PDE1A: variants seen among roughly 807,000 people sequenced by gnomAD.
The protein encoded by PDE1A is dual specificity calcium/calmodulin-dependent 3',5'-cyclic nucleotide phosphodiesterase 1A.
A neutral mutation model predicts 61.7 loss-of-function variants in PDE1A; 35 were observed. The ratio of observed to expected loss-of-function variants is 0.57; its 90% confidence interval spans 0.43 to 0.75. PDE1A has a LOEUF of 0.75. PDE1A is among the 30% of genes least tolerant of loss of function. The probability of loss-of-function intolerance (pLI) is 0.00; values close to 1 mark genes in which losing one functional copy is unlikely to be tolerated. For synonymous variants in PDE1A, 232 were observed against 213.2 expected (o/e 1.09, Z -0.77); for missense variants, 597 against 630.6 (o/e 0.95, Z 0.57).
chr2:182,254,735 C>T (rs1375635453), intron 2 of PDE1A, among the ~76,000 whole-genome samples: 1 of 152,172 alleles, frequency 6.6e-6, no homozygotes, highest in South Asian at 2.1e-4. Context: ...GGGCTTTCCA[C>T]CACATCCCAC....
At position 182,212,274 on chromosome 2, in the gene PDE1A, T is replaced by C. The variant is rs554045639; in HGVS notation, c.777-6209A>G. ...ATATATATGTATACATTTATATATA[T>C]ATACACACACACACATAGTGGAATG... On this transcript the variant is annotated intron_variant, in intron 7 of 13. Coordinates refer to ENST00000351439, the Ensembl canonical transcript of PDE1A. 3.4e-3 allele frequency among the ~76,000 whole-genome samples: 513 copies of C among 151,790 alleles called. 2 individuals are homozygous for C. The highest frequency in any genetic ancestry group is 0.012 in the African/African-American group (499 of 41,452).
chr2:182,381,156 T>A (rs1049429734), intron 1 of PDE1A, among the ~76,000 whole-genome samples: 1 of 152,166 alleles, frequency 6.6e-6, no homozygotes, highest in Non-Finnish European at 1.5e-5. Context: ...GGTTTTCTCT[T>A]TCTTCATGAA....
Position 182,413,084 on chromosome 2 carries a change from G to A in PDE1A, c.53+13494C>T, listed in dbSNP as rs79795457. The stretch of plus-strand genomic sequence containing the variant: ...TAGACAAAGGCTTAGGAAGGGAAGC[G>A]TAAGACAGGTCCTAGGAGCAATAAG... On this transcript the variant is annotated intron_variant, in intron 1 of 13. Coordinates refer to ENST00000351439, the Ensembl canonical transcript of PDE1A. Among the ~76,000 whole-genome samples the A allele has an allele frequency of 9.3e-3, 1,418 of 152,254 alleles. 25 individuals carry two copies. The highest frequency in any genetic ancestry group is 0.032 in the African/African-American group (1,326 of 41,542).
At chr2:182,541,093 T>C in the PDE1A span, among the ~76,000 whole-genome samples, 2 of 152,186 alleles carry the variant, frequency 1.3e-5, no homozygotes, top group African/African-American at 4.8e-5. Context: ...ACAAGATATA[T>C]TTATATGTAA....
the PDE1A span, among the ~76,000 whole-genome samples, chr2:182,606,167 T>C: frequency 1.3e-4 from 20 of 152,248 alleles, no homozygotes; most frequent in East Asian, 3.9e-3. Flanking sequence ...TGTACGTATG[T>C]AGTTATTTAT....
intron 1 of PDE1A, among the ~76,000 whole-genome samples, chr2:182,409,494 A>G (rs952452365): frequency 1.3e-5 from 2 of 152,240 alleles, no homozygotes; most frequent in African/African-American, 4.8e-5. Context: ...TGAATACACA[A>G]CATACATTCT....
intron 2 of PDE1A, among the ~76,000 whole-genome samples, chr2:182,243,382 G>A (rs760913215): frequency 5.3e-5 from 8 of 152,190 alleles, no homozygotes; most frequent in Non-Finnish European, 1.2e-4. Flanking sequence ...ATTAGTTATA[G>A]GAAAGTCTGG....
the PDE1A span, among the ~76,000 whole-genome samples, chr2:182,635,578 G>C: frequency 1.3e-5 from 2 of 152,002 alleles, no homozygotes; most frequent in African/African-American, 4.8e-5. Context: ...GAGAGTTTCT[G>C]TCACCAGTCT....
intron 2 of PDE1A, among the ~76,000 whole-genome samples, chr2:182,512,731 C>CA (rs1689883675): frequency 6.6e-6 from 1 of 152,024 alleles, no homozygotes; most frequent in Non-Finnish European, 1.5e-5. Flanking sequence ...AGCTGAGAGA[C>CA]AAAATAGCAA....
intron 13 of PDE1A, among the ~76,000 whole-genome samples, chr2:182,174,305 G>A (rs1018177731): frequency 8.5e-5 from 13 of 152,086 alleles, no homozygotes; most frequent in Admixed American, 4.6e-4. Flanking sequence ...TCCTGATGAC[G>A]TCCATGGACG....
chr2:182,180,153 G>C (rs1406529351), intron 13 of PDE1A, among the ~76,000 whole-genome samples: 1 of 152,020 alleles, frequency 6.6e-6, no homozygotes, highest in Admixed American at 6.6e-5. Flanking sequence ...CTTTAAAATT[G>C]ATCACTATGT....
At chr2:182,558,363 A>G in the PDE1A span, among the ~76,000 whole-genome samples, 1 of 152,062 alleles carries the variant, frequency 6.6e-6, no homozygotes, top group Non-Finnish European at 1.5e-5. Context: ...ATCTTCCCAA[A>G]TTTATGTAAT....
chr2:182,690,744 C>T, the PDE1A span, among the ~76,000 whole-genome samples: 1 of 152,178 alleles, frequency 6.6e-6, no homozygotes, highest in South Asian at 2.1e-4. Context: ...CAAATTGTCC[C>T]TGTCTGCAGA....
the PDE1A span, among the ~76,000 whole-genome samples, chr2:182,609,036 T>C: frequency 6.6e-6 from 1 of 152,152 alleles, no homozygotes; most frequent in African/African-American, 2.4e-5. Flanking sequence ...TGGTGGGGAC[T>C]TGGAGAACCT....
At chr2:182,560,886 T>A in the PDE1A span, among the ~76,000 whole-genome samples, 13,286 of 152,190 alleles carry the variant, frequency 0.087, 1,926 homozygotes, top group African/African-American at 0.3. Context: ...TTCATGTCCT[T>A]CACCCACTTT....
At position 182,324,419 on chromosome 2, in the gene PDE1A, T is replaced by C. The variant is rs190858515; in HGVS notation, c.54-60005A>G. Among the ~76,000 whole-genome samples, 16 of 152,172 alleles carry C rather than the reference T, an allele frequency of 1.1e-4. No homozygotes were observed. The East Asian group carries it at 2.3e-3, about 22-fold the overall frequency. ...AAATATGAAAATGATGTGCATAAAA[T>C]CATCTTAATGTCTAAGTTTAGGGGA... On this transcript the variant is annotated intron_variant, in intron 1 of 13. Transcript: ENST00000351439.
intron 2 of PDE1A, among the ~76,000 whole-genome samples, chr2:182,467,688 A>T (rs12479259): frequency 0.17 from 25,535 of 151,880 alleles, 2,513 homozygotes; most frequent in Middle Eastern, 0.31. Flanking sequence ...TGTAAAAAGG[A>T]TTATATATCA....
chr2:182,528,721 G>A, the PDE1A span, among the ~76,000 whole-genome samples: 15 of 152,258 alleles, frequency 9.9e-5, no homozygotes, highest in South Asian at 4.2e-4. Flanking sequence ...CAAGGCTCCC[G>A]TGCTGTGTAC....
intron 1 of PDE1A, among the ~76,000 whole-genome samples, chr2:182,370,000 C>A (rs1283080744): frequency 6.6e-6 from 1 of 151,828 alleles, no homozygotes; most frequent in African/African-American, 2.4e-5. Flanking sequence ...CATGGTGAAA[C>A]CCTGTCTCTA....
Sources: allele counts gnomAD v4.1 joint callset (sites outside exome capture counted in the v4.1 genomes callset), GRCh38; gene constraint gnomAD v4.1.1; transcripts MANE v1.5; gene names NCBI Gene and HGNC (gene_info 2026-07-23, HGNC 2026-07-21).